The following GPATCH1 variants were observed in gnomAD, a reference collection of about 807,000 sequenced individuals.
GPATCH1 encodes G-patch domain containing 1, also known as G patch domain-containing protein 1.
A neutral mutation model predicts 114.9 loss-of-function variants in GPATCH1; 73 were observed. The ratio of observed to expected loss-of-function variants is 0.64; its 90% CI spans 0.53 to 0.77. GPATCH1 has a LOEUF of 0.77. GPATCH1 is among the 30% of genes least tolerant of loss of function. The pLI, the probability that GPATCH1 is intolerant of heterozygous loss-of-function variation, is 0.00. For missense variants in GPATCH1, 1,058 were observed against 1,144.3 expected (o/e 0.92, Z 1.09); for synonymous variants, 391 against 428.4 (o/e 0.91, Z 1.08).
intron 15 of GPATCH1, among the ~76,000 whole-genome samples, chr19:33,116,826 G>T (rs1972921311): frequency 6.6e-6 from 1 of 152,084 alleles, no homozygotes; most frequent in Non-Finnish European, 1.5e-5. Context: ...ACTGCGCATG[G>T]CCAATTTTTT....
At chr19:33,083,982 A>G (rs7253723) in intron 1 of GPATCH1, among the ~76,000 whole-genome samples, 42,474 of 151,284 alleles carry the variant, frequency 0.28, 10,726 homozygotes, top group African/African-American at 0.67. Flanking sequence ...GCTAATTTTT[A>G]TATTTTTAGT....
chr19:33,108,558 C>T (rs1355209282), intron 10 of GPATCH1, among the ~76,000 whole-genome samples: 2 of 151,902 alleles, frequency 1.3e-5, no homozygotes, highest in Admixed American at 6.6e-5. Flanking sequence ...TTTCTTCCAG[C>T]CTTCCCCGAC....
chr19:33,113,908 G>A lies in GPATCH1; in HGVS notation c.2029+5G>A. On this transcript the variant is annotated splice_donor_5th_base_variant and intron_variant, in intron 14 of 19. Coordinates refer to ENST00000170564, the MANE Select transcript of GPATCH1 (RefSeq NM_018025.3). ...CACAGCACCGAGGTCCCGACAGTGAGTAGGGCGTCCCCGGGGTCTCTGATT... is the reference window on the plus strand; with the variant it reads ...CACAGCACCGAGGTCCCGACAGTGAATAGGGCGTCCCCGGGGTCTCTGATT... The A allele has an allele frequency of 6.2e-7, 1 of 1,613,748 alleles. No individual in the cohort carries two copies. Among genetic ancestry groups the A allele is most frequent in the Non-Finnish European group, 8.5e-7 (1 of 1,179,758 alleles).
At chr19:33,115,098 T>C (rs1170996886) in intron 15 of GPATCH1, among the ~76,000 whole-genome samples, 1 of 148,994 alleles carries the variant, frequency 6.7e-6, no homozygotes, top group African/African-American at 2.5e-5. Context: ...GCTTTTACTC[T>C]GTGCCCAGGC....
At chr19:33,092,207 T>C (rs1210813075) in intron 3 of GPATCH1, among the ~76,000 whole-genome samples, 1 of 151,912 alleles carries the variant, frequency 6.6e-6, no homozygotes, top group South Asian at 2.1e-4. Flanking sequence ...TGCACCACCA[T>C]GCCTGGCTAA....
intron 16 of GPATCH1, 31 bp from the exon 17 acceptor site, chr19:33,118,979 C>T (rs1042080515): frequency 5.2e-6 from 7 of 1,340,778 alleles, no homozygotes; most frequent in South Asian, 2.5e-5. Context: ...ATGGGGCAGA[C>T]GAATGACATG....
intron 13 of GPATCH1, 151 bp from the exon 14 acceptor site, chr19:33,113,616 C>T: frequency 1.7e-6 from 1 of 594,568 alleles, no homozygotes; most frequent in Non-Finnish European, 3.0e-6. Context: ...AATCAGTCAC[C>T]CAGATTCTCG....
rs753133100 is a variant in GPATCH1, at chr19:33,113,882, TCA to T, written c.2011_2012del (p.Gln671AlafsTer17). The part of the protein sequence containing the change: ...PTTQASSEKV[S>X]QHRGPDKSRK... ...CACTCAAGCATCAAGTGAAAAAGTA[TCA>T]CAGCACCGAGGTCCCGACAGTGAGT... On this transcript the variant is annotated frameshift_variant, in exon 14 of 20. Transcript: ENST00000170564. LOFTEE classifies it high-confidence loss of function. The T allele has an allele frequency of 3.1e-6, 5 of 1,614,042 alleles. No individual in the cohort carries two copies. Among genetic ancestry groups the T allele is most frequent in the African/African-American group, 1.3e-5 (1 of 75,006 alleles).
intron 14 of GPATCH1, 69 bp from the exon 15 acceptor site, chr19:33,114,184 A>G: frequency 7.5e-7 from 1 of 1,340,166 alleles, no homozygotes; most frequent in Non-Finnish European, 1.1e-6. Flanking sequence ...AGTGAATGAA[A>G]GAGCAGTGGT....
rs761771750 is a variant in GPATCH1, at chr19:33,126,564, C to G, written c.2620-24C>G. ...GGAGGAAAAAATACATTTGTTTTCC[C>G]CCACCACTATTTGTTTTTTACAGAA... On this transcript the variant is annotated intron_variant, in intron 18 of 19. Coordinates refer to ENST00000170564, the MANE Select transcript of GPATCH1 (RefSeq NM_018025.3). 5 of 1,610,762 alleles carry G rather than the reference C, an allele frequency of 3.1e-6. No homozygotes were observed. The East Asian group carries it at 6.7e-5, about 22-fold the overall frequency.
intron 19 of GPATCH1, among the ~76,000 whole-genome samples, chr19:33,128,061 T>G (rs568167953): frequency 5.4e-4 from 82 of 151,938 alleles, no homozygotes; most frequent in African/African-American, 1.9e-3. Flanking sequence ...TAATATAATT[T>G]TATATAGCAT....
At chr19:33,120,866 TGTAGTCC>T (rs1185571866) in intron 17 of GPATCH1, among the ~76,000 whole-genome samples, 2 of 151,810 alleles carry the variant, frequency 1.3e-5, no homozygotes, top group Non-Finnish European at 2.9e-5. Context: ...GGCATGTGCC[TGTAGTCC>T]CAGCTGCTGG....
chr19:33,089,919 C>T (rs1160489846), intron 2 of GPATCH1, among the ~76,000 whole-genome samples: 1 of 151,554 alleles, frequency 6.6e-6, no homozygotes, highest in African/African-American at 2.4e-5. Flanking sequence ...CATGCCCGGC[C>T]TTACCATTTT....
chr19:33,114,524 T>G (rs549548683), intron 15 of GPATCH1, 105 bp downstream of exon 15: 4 of 881,244 alleles, frequency 4.5e-6, no homozygotes, highest in Non-Finnish European at 6.9e-6. Context: ...CAGCCAACTA[T>G]TGATCCATTT....
At position 33,125,144 on chromosome 19, in the gene GPATCH1, A is replaced by G. The variant is rs1490481369; in HGVS notation, c.2561A>G (p.His854Arg). 2 of 1,601,558 alleles carry G rather than the reference A, an allele frequency of 1.2e-6. No homozygotes were observed. Among genetic ancestry groups the G allele is most frequent in the South Asian group, 1.1e-5 (1 of 89,006 alleles). ...CTTGAGGTTCCTCAAAAAGAGAAAC[A>G]TAAAAAGAACAAAGACAAGCACAAG... ...QTLEVPQKEK[H>R]KKNKDKHKAK... Residue 854 changes from histidine to arginine, a missense_variant, in exon 18 of 20, where the codon CAT becomes CGT. Around this residue, in one of 3 missense-constraint regions of GPATCH1, gnomAD observed 893 missense variants for 977.4 expected, o/e 0.91. Transcript: ENST00000170564.
intron 2 of GPATCH1, among the ~76,000 whole-genome samples, chr19:33,089,107 A>G (rs1326169796): frequency 6.6e-6 from 1 of 152,246 alleles, no homozygotes; most frequent in Non-Finnish European, 1.5e-5. Flanking sequence ...TCAGATGATT[A>G]AATGATAATA....
intron 6 of GPATCH1, 47 bp from the exon 7 acceptor site, chr19:33,096,160 T>G: frequency 1.3e-6 from 2 of 1,592,798 alleles, no homozygotes; most frequent in South Asian, 1.1e-5. Context: ...TGGGTTTACT[T>G]TGCATCCTTC....
chr19:33,084,495 T>G (rs895244071), intron 1 of GPATCH1, among the ~76,000 whole-genome samples: 4 of 152,064 alleles, frequency 2.6e-5, no homozygotes, highest in Non-Finnish European at 5.9e-5. Flanking sequence ...ACTCTCACAC[T>G]TAAAACTAAC....
chr19:33,088,626 C>T (rs958147801), intron 2 of GPATCH1, among the ~76,000 whole-genome samples: 9 of 147,734 alleles, frequency 6.1e-5, no homozygotes, highest in Admixed American at 5.5e-4. Context: ...GCTGGGATTG[C>T]AGGTGTGAGC....
Sources: allele counts gnomAD v4.1 joint callset (sites outside exome capture counted in the v4.1 genomes callset), GRCh38; gene constraint gnomAD v4.1.1; regional missense constraint gnomAD v4.1.1; transcripts MANE v1.5; gene names NCBI Gene and HGNC (gene_info 2026-07-23, HGNC 2026-07-21).